The following MTRFR variants were observed in gnomAD, a reference collection of about 807,000 sequenced individuals.
The protein encoded by MTRFR is probable peptide chain release factor C12orf65, mitochondrial.
Under a neutral mutation model 11.9 loss-of-function variants are expected in MTRFR, and 10 were observed. The observed-to-expected ratio is 0.84, with a 90% CI of 0.52 to 1.42. The LOEUF (loss-of-function observed/expected upper bound fraction) is 1.42. MTRFR is among the 40% of genes most tolerant of loss of function. The pLI is 0.00. For missense variants in MTRFR, 196 were observed against 197.9 expected (o/e 0.99, Z 0.06); for synonymous variants, 77 against 79.1 (o/e 0.97, Z 0.14).
chr12:123,244,779 C>T (rs1241221978), intron 1 of MTRFR, among the ~76,000 whole-genome samples: 4 of 151,400 alleles, frequency 2.6e-5, no homozygotes, highest in Admixed American at 6.6e-5. Context: ...ATTACAGGTG[C>T]GTGCCAACAC....
At chr12:123,243,868 G>A (rs1179940330) in intron 1 of MTRFR, 1 of 152,242 alleles carries the variant, frequency 6.6e-6, no homozygotes, top group Admixed American at 6.6e-5. Context: ...AGCAACGCCT[G>A]ATCCCATGTC....
intron 1 of MTRFR, chr12:123,251,676 A>AC (rs2048113342): frequency 6.4e-6 from 1 of 155,090 alleles, no homozygotes; most frequent in South Asian, 2.0e-4. Flanking sequence ...TGGGGCACTC[A>AC]CAGTATTTGG....
At chr12:123,236,359 T>G (rs527378867) in intron 1 of MTRFR, among the ~76,000 whole-genome samples, 1 of 151,992 alleles carries the variant, frequency 6.6e-6, no homozygotes, top group Non-Finnish European at 1.5e-5. Context: ...TTTGGGAGGC[T>G]GAGGCAGGAG....
intron 1 of MTRFR, among the ~76,000 whole-genome samples, chr12:123,241,827 G>C (rs1205071160): frequency 6.6e-6 from 1 of 152,174 alleles, no homozygotes; most frequent in Non-Finnish European, 1.5e-5. Flanking sequence ...GTCTTGGTTT[G>C]AGTTGAATTT....
intron 1 of MTRFR, among the ~76,000 whole-genome samples, chr12:123,242,362 GT>G (rs1421735763): frequency 1.3e-5 from 2 of 152,130 alleles, no homozygotes; most frequent in Admixed American, 1.3e-4. Flanking sequence ...GCACTTCTCT[GT>G]ACCATTTTTC....
At chr12:123,236,030 C>T (rs2047845270) in intron 1 of MTRFR, among the ~76,000 whole-genome samples, 1 of 151,986 alleles carries the variant, frequency 6.6e-6, no homozygotes, top group East Asian at 1.9e-4. Flanking sequence ...TGCCACTGCA[C>T]TCCAGCCTGG....
At chr12:123,236,731 A>T (rs2047856479) in intron 1 of MTRFR, among the ~76,000 whole-genome samples, 1 of 152,144 alleles carries the variant, frequency 6.6e-6, no homozygotes, top group African/African-American at 2.4e-5. Flanking sequence ...CTGCTTTTTT[A>T]ATGTGTTTCT....
At chr12:123,256,540 A>T (rs770145860) in intron 2 of MTRFR, among the ~76,000 whole-genome samples, 2 of 152,208 alleles carry the variant, frequency 1.3e-5, no homozygotes, top group Non-Finnish European at 2.9e-5. Context: ...TACTAAAAAT[A>T]CAAAAATTAA....
chr12:123,240,299 G>T (rs1052098665), intron 1 of MTRFR, among the ~76,000 whole-genome samples: 1 of 151,826 alleles, frequency 6.6e-6, no homozygotes, highest in East Asian at 1.9e-4. Context: ...GCTAGAACCC[G>T]GGAGGCGGAG....
Position 123,256,907 on chromosome 12 carries a change from C to G in MTRFR, c.377C>G (p.Pro126Arg), listed in dbSNP as rs1429335612. 1.9e-6 allele frequency: 3 copies of G among 1,613,642 alleles called. No individual in the cohort carries two copies. The highest frequency in any genetic ancestry group is 4.5e-5 in the East Asian group (2 of 44,864). The part of the protein sequence containing the change: ...VDVFYNGENS[P>R]VHKEKREAAK... ...GTTTTCTACAATGGTGAAAACAGTC[C>G]TGTTCACAAAGAAAAACGAGAAGCG... The change falls in exon 3 of 3, where the codon CCT (proline) becomes CGT (arginine). Residue 126 changes from proline (P) to arginine (R), a missense_variant. Transcript: ENST00000253233.
chr12:123,246,949 T>A (rs1248488239), intron 1 of MTRFR, among the ~76,000 whole-genome samples: 1 of 151,622 alleles, frequency 6.6e-6, no homozygotes, highest in Non-Finnish European at 1.5e-5. Context: ...CAGGATGGTC[T>A]CAATCTCCCG....
intron 1 of MTRFR, among the ~76,000 whole-genome samples, chr12:123,234,402 AG>A (rs1047409241): frequency 9.6e-6 from 1 of 104,686 alleles, no homozygotes; most frequent in Admixed American, 1.0e-4. Context: ...TTTGTGGGGG[AG>A]GGGGGTAGGG....
intron 1 of MTRFR, among the ~76,000 whole-genome samples, chr12:123,235,159 C>T (rs2047825001): frequency 6.6e-6 from 1 of 152,172 alleles, no homozygotes. Flanking sequence ...TTAGTGACCA[C>T]TAAGTACTTT....
intron 1 of MTRFR, among the ~76,000 whole-genome samples, chr12:123,240,873 C>A (rs1421414173): frequency 2.6e-5 from 4 of 151,472 alleles, no homozygotes; most frequent in Non-Finnish European, 5.9e-5. Flanking sequence ...CCACTGCACC[C>A]AGCTAATTTT....
intron 1 of MTRFR, among the ~76,000 whole-genome samples, chr12:123,234,975 G>A (rs912001374): frequency 6.6e-6 from 1 of 152,112 alleles, no homozygotes; most frequent in African/African-American, 2.4e-5. Context: ...ACCATACCAA[G>A]TAAAATAATT....
rs71085872 is a variant in MTRFR at position 123,253,070 on chromosome 12, A to ATTTTTTTTTTTTTTTTTTTTTTT, written c.-28-562_-28-540dup. On this transcript the variant is annotated intron_variant, in intron 1 of 2. Transcript: ENST00000253233. ...ATCAAATTACAGTCCGTTCCTTTGA[A>ATTTTTTTTTTTTTTTTTTTTTTT]TTTTTTTTTTTTTTTTTTTTTTTTT... 5.7e-5 allele frequency among the ~76,000 whole-genome samples: 2 copies of ATTTTTTTTTTTTTTTTTTTTTTT among 34,814 alleles called. 1 individual carries two copies. The highest frequency in any genetic ancestry group is 3.1e-3 in the East Asian group (2 of 652). The allele number at this position is 34,814 out of a possible 152,430, so 22.8% of individuals were successfully genotyped here.
intron 2 of MTRFR, chr12:123,254,406 C>T (rs2048158816): frequency 5.0e-6 from 1 of 198,116 alleles, no homozygotes; most frequent in Admixed American, 5.3e-5. Context: ...GGCAAGCAGG[C>T]ATGGGTTGTC....
At chr12:123,240,582 T>A (rs1467163589) in intron 1 of MTRFR, 1 of 151,378 alleles carries the variant, frequency 6.6e-6, no homozygotes, top group Non-Finnish European at 1.5e-5. Flanking sequence ...CCATGAAAGT[T>A]GTAGCTAAGG....
chr12:123,255,863 G>C (rs1289202958), intron 2 of MTRFR, among the ~76,000 whole-genome samples: 4 of 152,120 alleles, frequency 2.6e-5, no homozygotes, highest in Non-Finnish European at 5.9e-5. Context: ...CTGACCTCAA[G>C]TGATCCACCC....
Sources: allele counts gnomAD v4.1 joint callset (sites outside exome capture counted in the v4.1 genomes callset), GRCh38; gene constraint gnomAD v4.1.1; transcripts MANE v1.5; gene names NCBI Gene and HGNC (gene_info 2026-07-23, HGNC 2026-07-21).